The following NSUN4 variants were observed in gnomAD, a reference collection of about 807,000 sequenced individuals.
NSUN4 encodes 5-cytosine rRNA methyltransferase NSUN4.
A neutral mutation model predicts 43.8 loss-of-function variants in NSUN4; 31 were observed. The observed-to-expected ratio is 0.71, with a 90% CI of 0.53 to 0.96. The LOEUF is 0.96. Among genes scored for constraint, NSUN4 ranks in the 40% least tolerant of loss-of-function variants. The probability of loss-of-function intolerance (pLI) is 0.00; values close to 1 mark genes in which losing one functional copy is unlikely to be tolerated. For missense variants in NSUN4, 439 were observed against 475.6 expected, an observed-to-expected ratio of 0.92 and a Z score of 0.72; for synonymous variants, 167 against 184.1, an observed-to-expected ratio of 0.91 and a Z score of 0.75.
At chr1:46,367,017 CA>C (rs1278627074), downstream of NSUN4, among the ~76,000 whole-genome samples, 1 of 152,132 alleles carries the variant, frequency 6.6e-6, no homozygotes, top group African/African-American at 2.4e-5. Context: ...AAAATAAAGA[CA>C]AAAAACACCA....
At chr1:46,341,221 T>C in intron 1 of NSUN4, 1 of 1,123,604 alleles carries the variant, frequency 8.9e-7, no homozygotes, top group South Asian at 2.9e-5. Context: ...TCCACCTACC[T>C]TTCTGTCCCC....
intron 4 of NSUN4, among the ~76,000 whole-genome samples, chr1:46,357,538 C>A (rs532856448): frequency 1.1e-4 from 16 of 152,244 alleles, no homozygotes; most frequent in African/African-American, 3.9e-4. Context: ...TTTATAGTCC[C>A]CTTGAAATTA....
chr1:46,384,594 C>A, the NSUN4 span, among the ~76,000 whole-genome samples: 12 of 152,198 alleles, frequency 7.9e-5, no homozygotes, highest in Admixed American at 5.2e-4. Flanking sequence ...TTGGACAGAG[C>A]AGTCAGACCT....
intron 4 of NSUN4, among the ~76,000 whole-genome samples, chr1:46,360,249 AATATATATATATAT>A (rs773980804): frequency 7.8e-5 from 2 of 25,770 alleles, no homozygotes; most frequent in African/African-American, 2.6e-4. Flanking sequence ...AAAAAAAAAA[AATATATATATATAT>A]ATATATATAT....
intron 1 of NSUN4, chr1:46,342,939 A>G (rs1264663342): frequency 2.5e-6 from 1 of 399,286 alleles, no homozygotes; most frequent in African/African-American, 2.1e-5. Flanking sequence ...AACTCCTTCA[A>G]ATTCCAGCCC....
chr1:46,368,410 T>C (rs11804982), downstream of NSUN4, among the ~76,000 whole-genome samples: 6,820 of 152,294 alleles, frequency 0.045, 524 homozygotes, highest in African/African-American at 0.16. Context: ...AGGGATGCTG[T>C]GCAACTTCTG....
the NSUN4 span, among the ~76,000 whole-genome samples, chr1:46,372,982 A>G: frequency 6.6e-6 from 1 of 152,092 alleles, no homozygotes; most frequent in East Asian, 1.9e-4. Flanking sequence ...CGGCCTCCCA[A>G]AGTGCTGGGA....
At chr1:46,374,052 C>T in the NSUN4 span, among the ~76,000 whole-genome samples, 2 of 151,604 alleles carry the variant, frequency 1.3e-5, no homozygotes, top group Non-Finnish European at 2.9e-5. Flanking sequence ...TTTGGAAGGC[C>T]GAGGCGGGTG....
chr1:46,384,446 A>T, the NSUN4 span, among the ~76,000 whole-genome samples: 2 of 152,196 alleles, frequency 1.3e-5, no homozygotes, highest in Non-Finnish European at 2.9e-5. Context: ...TGTATGACAC[A>T]GCACCTGATA....
chr1:46,385,159 A>G, the NSUN4 span, among the ~76,000 whole-genome samples: 91 of 152,358 alleles, frequency 6.0e-4, no homozygotes, highest in South Asian at 3.3e-3. Context: ...TTAGTGTGTT[A>G]TTAATGTTAA....
Position 46,352,972 on chromosome 1 carries a change from G to A in NSUN4, c.697G>A (p.Val233Ile). The change falls in exon 4 of 6, where the codon GTT becomes ATT. Residue 233 changes from valine (V) to isoleucine (I), a missense_variant. Transcript: ENST00000474844. The part of the protein sequence containing the change: ...EEIRDGNQVR[V>I]TSWDGRKWGE... ...GATCAGGGATGGAAATCAAGTTCGAGTTACCTCATGGGATGGCAGGAAATG... is the reference window on the plus strand; with the variant it reads ...GATCAGGGATGGAAATCAAGTTCGAATTACCTCATGGGATGGCAGGAAATG... 1 of 1,614,212 alleles carries A rather than the reference G, an allele frequency of 6.2e-7. No individual in the cohort carries two copies. The highest frequency in any genetic ancestry group is 8.5e-7 in the Non-Finnish European group (1 of 1,180,020).
At chr1:46,347,121 C>T in intron 3 of NSUN4, 46 bp downstream of exon 3, 1 of 1,583,692 alleles carries the variant, frequency 6.3e-7, no homozygotes, top group Non-Finnish European at 8.6e-7. Flanking sequence ...CTCCCCACCT[C>T]ACCTAGTCCC....
chr1:46,366,727 A>AAAAAAAG (rs1553178523), downstream of NSUN4, among the ~76,000 whole-genome samples: 16 of 127,896 alleles, frequency 1.3e-4, no homozygotes, highest in Non-Finnish European at 2.4e-4. Flanking sequence ...AAAAAAAAAA[A>AAAAAAAG]AAGTGGGTAG....
chr1:46,382,510 ATACT>A, the NSUN4 span, among the ~76,000 whole-genome samples: 24 of 152,320 alleles, frequency 1.6e-4, no homozygotes, highest in Admixed American at 1.6e-3. Flanking sequence ...TATTTTTTAA[ATACT>A]TAATTTATAA....
chr1:46,356,497 C>T (rs1014175310), intron 4 of NSUN4, among the ~76,000 whole-genome samples: 1 of 152,078 alleles, frequency 6.6e-6, no homozygotes, highest in Admixed American at 6.6e-5. Flanking sequence ...TGGAGACCAT[C>T]CTGGCTAACA....
At chr1:46,351,881 G>T (rs1294962153) in intron 3 of NSUN4, among the ~76,000 whole-genome samples, 1 of 151,422 alleles carries the variant, frequency 6.6e-6, no homozygotes, top group Non-Finnish European at 1.5e-5. Flanking sequence ...AGCCAGGATG[G>T]TCTCGATCTC....
At chr1:46,367,189 C>T (rs1041449587), downstream of NSUN4, among the ~76,000 whole-genome samples, 4 of 152,128 alleles carry the variant, frequency 2.6e-5, no homozygotes, top group Non-Finnish European at 1.5e-5. Flanking sequence ...ACCACTCTCA[C>T]CCCTGCCAAT....
At chr1:46,360,292 A>G (rs1663772557) in intron 4 of NSUN4, among the ~76,000 whole-genome samples, 2 of 127,402 alleles carry the variant, frequency 1.6e-5, no homozygotes, top group Admixed American at 8.1e-5. Context: ...ATTAGTCTGG[A>G]GTGGTGGTTT....
intron 1 of NSUN4, chr1:46,341,605 G>T (rs970752430): frequency 1.5e-5 from 18 of 1,208,208 alleles, no homozygotes; most frequent in Non-Finnish European, 1.8e-5. Context: ...ACGCCCCCCT[G>T]CCCACCCCAG....
Sources: allele counts gnomAD v4.1 joint callset (sites outside exome capture counted in the v4.1 genomes callset), GRCh38; gene constraint gnomAD v4.1.1; transcripts MANE v1.5; gene names NCBI Gene and HGNC (gene_info 2026-07-23, HGNC 2026-07-21).